MBOAT7: variants seen among roughly 807,000 people sequenced by gnomAD.
MBOAT7 encodes membrane bound acylglycerophosphatidylinositol O-acyltransferase MBOAT7.
A neutral mutation model predicts 47.4 loss-of-function variants in MBOAT7; 40 were observed. The ratio of observed to expected loss-of-function variants is 0.84; its 90% confidence interval spans 0.66 to 1.10. The LOEUF (loss-of-function observed/expected upper bound fraction) is 1.10, where lower values mean the gene tolerates loss of function less well. Ranked by LOEUF, MBOAT7 falls within the 50% of genes least tolerant of loss-of-function variation. MBOAT7 has a pLI of 0.00. For synonymous variants in MBOAT7, 361 were observed against 292.0 expected, an observed-to-expected ratio of 1.24 and a Z score of -2.41; for missense variants, 680 against 655.6, an observed-to-expected ratio of 1.04 and a Z score of -0.41.
At chr19:54,188,146 G>A in intron 3 of MBOAT7, 71 bp downstream of exon 3, 3 of 1,472,818 alleles carry the variant, frequency 2.0e-6, no homozygotes, top group Non-Finnish European at 2.7e-6. Context: ...AGCTGAAAAA[G>A]ACTCAAAGAG....
At chr19:54,179,282 C>G in intron 6 of MBOAT7, 1 of 363,562 alleles carries the variant, frequency 2.8e-6, no homozygotes, top group Non-Finnish European at 5.0e-6. Flanking sequence ...GAGAAGCCGC[C>G]AAGGATGGTC....
intron 7 of MBOAT7, among the ~76,000 whole-genome samples, chr19:54,175,979 T>C (rs910361836): frequency 3.9e-5 from 6 of 152,142 alleles, no homozygotes; most frequent in South Asian, 2.1e-4. Context: ...CGCCGTGGCC[T>C]ACCAAAGTGC....
At position 54,173,966 on chromosome 19, in the gene MBOAT7, G is replaced by C. The variant is rs963878633; in HGVS notation, c.*78C>G. On this transcript the variant is annotated 3_prime_UTR_variant, in exon 8 of 8. Coordinates refer to ENST00000245615, the MANE Select transcript of MBOAT7 (RefSeq NM_024298.5). ...TCTCCAGGACCCTCTCCAAGGTAAGGACTCTTTCTGGGGAGGAGACAGCAG... is the reference window on the plus strand; with the variant it reads ...TCTCCAGGACCCTCTCCAAGGTAAGCACTCTTTCTGGGGAGGAGACAGCAG... The C allele has an allele frequency of 2.1e-6, 3 of 1,459,932 alleles. No homozygotes were observed. Among genetic ancestry groups the C allele is most frequent in the African/African-American group, 2.9e-5 (2 of 69,910 alleles). The allele number at this position is 1,459,932 out of a possible 1,614,324, so 90.4% of individuals were successfully genotyped here.
chr19:54,182,324 C>G (rs2076310146), intron 5 of MBOAT7, among the ~76,000 whole-genome samples: 1 of 151,920 alleles, frequency 6.6e-6, no homozygotes, highest in Admixed American at 6.6e-5. Flanking sequence ...CCAGAACAGG[C>G]AAATCTTTAC....
chr19:54,180,867 A>T lies in MBOAT7; in HGVS notation c.760T>A (p.Cys254Ser), dbSNP rs544702941. ...RFYVAWIAAE[C>S]GCIAAGFGAY... ...CCAAAGCCGGCGGCAATGCAGCCGC[A>T]CTCGGCGGCAATCCAGGCCACGTAG... The change falls in exon 6 of 8, where the codon TGC becomes AGC. Residue 254 changes from cysteine (C) to serine (S), a missense_variant. Cys to Ser is a moderately radical substitution (Grantham distance 112). Transcript: ENST00000245615. The surrounding 1 kb of genome is among the most constrained non-coding windows in gnomAD (Gnocchi z 5.2). The T allele has an allele frequency of 2.5e-6, 4 of 1,588,840 alleles. No homozygotes were observed. Among genetic ancestry groups the T allele is most frequent in the Non-Finnish European group, 3.4e-6 (4 of 1,170,012 alleles).
At position 54,174,107 on chromosome 19, in the gene MBOAT7, G is replaced by A. The variant is rs1305747531; in HGVS notation, c.1356C>T (p.Pro452=). 6 of 1,606,618 alleles carry A rather than the reference G, an allele frequency of 3.7e-6. No individual in the cohort carries two copies. The Admixed American group carries it at 8.5e-5, about 23-fold the overall frequency. The change falls in exon 8 of 8, where the codon CCC becomes CCT. Residue 452 remains proline (P), a synonymous_variant. Transcript: ENST00000245615. The part of the protein sequence containing the change: ...GLGLALGGGS[P]SRRKAASQPT... Reference sequence around the variant, plus strand: ...GCTGGGATGCTGCCTTCCGCCGGCTGGGGCTGCCCCCACCTAAAGCCAGCC... The same window carrying A: ...GCTGGGATGCTGCCTTCCGCCGGCTAGGGCTGCCCCCACCTAAAGCCAGCC...
chr19:54,178,665 C>T, intron 7 of MBOAT7, 100 bp downstream of exon 7: 3 of 1,506,004 alleles, frequency 2.0e-6, no homozygotes, highest in Non-Finnish European at 2.7e-6. Flanking sequence ...CCATGAGCCT[C>T]CGGGGGCAGG....
At chr19:54,175,229 T>G (rs113454931) in intron 7 of MBOAT7, among the ~76,000 whole-genome samples, 1 of 152,226 alleles carries the variant, frequency 6.6e-6, no homozygotes, top group Admixed American at 6.5e-5. Flanking sequence ...CTGCCCGCCT[T>G]GGCCTCCCAA....
Position 54,184,161 on chromosome 19 carries a change from CTTTTT to C in MBOAT7, c.334-486_334-482del, listed in dbSNP as rs770373656. Among the ~76,000 whole-genome samples, 114 of 103,914 alleles carry C rather than the reference CTTTTT, an allele frequency of 1.1e-3. 2 individuals are homozygous for C. The highest frequency in any genetic ancestry group is 1.7e-3 in the Non-Finnish European group (88 of 52,012). The allele number at this position is 103,914 out of a possible 152,430, so 68.2% of individuals were successfully genotyped here. ...AAATCCGATCCTTTAATCTCTCTCT[CTTTTT>C]TTTTTTTTTTTTTTTTGAGACAAGT... On this transcript the variant is annotated intron_variant, in intron 4 of 7. Transcript: ENST00000245615.
chr19:54,178,633 C>A (rs1348666844), intron 7 of MBOAT7, 132 bp downstream of exon 7: 8 of 1,444,592 alleles, frequency 5.5e-6, no homozygotes, highest in Non-Finnish European at 7.3e-6. Flanking sequence ...AGGGCAAAAC[C>A]AGGCTAAACA....
At position 54,173,450 on chromosome 19, in the gene MBOAT7, C is replaced by T. The variant is rs1229512243; in HGVS notation, c.*594G>A. 1.2e-5 allele frequency: 3 copies of T among 258,506 alleles called. No individual in the cohort carries two copies. Among genetic ancestry groups the T allele is most frequent in the South Asian group, 1.1e-4 (2 of 17,840 alleles). The allele number at this position is 258,506 out of a possible 1,614,324, so 16.0% of individuals were successfully genotyped here. A position where few individuals can be genotyped will look rare whatever the true frequency, so the allele number is the denominator to read the frequency against. On this transcript the variant is annotated 3_prime_UTR_variant, in exon 8 of 8. Coordinates refer to ENST00000245615, the MANE Select transcript of MBOAT7 (RefSeq NM_024298.5). ...CACTTTATTGGGAAAGATTTACACA[C>T]GGTGACCTGTCATAGGCCAAGCGAT...
In MBOAT7 at chr19:54,181,094, T is replaced by A. The variant is rs200188828; in HGVS notation, c.533A>T (p.Glu178Val). Residue 178 changes from glutamate to valine, a missense_variant, in exon 6 of 8, where the codon GAG (glutamate) becomes GTG (valine). Glu to Val is a moderately radical substitution (Grantham distance 121, BLOSUM62 -2). Transcript: ENST00000245615. ...FRYRTYLDWLEQPFPGAVPSL... is the reference protein window; with the variant it reads ...FRYRTYLDWLVQPFPGAVPSL... ...GGGCACTGCCCCGGGGAAGGGCTGC[T>A]CCAGCCAGTCCAGGTAGGTGCGGTA... The A allele has an allele frequency of 6.7e-7, 1 of 1,498,106 alleles. No individual in the cohort carries two copies. The highest frequency in any genetic ancestry group is 8.9e-7 in the Non-Finnish European group (1 of 1,125,494). 92.8% of individuals were successfully genotyped at this position (1,498,106 alleles called of 1,614,324 possible).
chr19:54,176,190 T>A (rs950169831), intron 7 of MBOAT7, among the ~76,000 whole-genome samples: 8 of 152,180 alleles, frequency 5.3e-5, no homozygotes, highest in Non-Finnish European at 1.0e-4. Flanking sequence ...AGTCTTGCTA[T>A]GTTGACCTGG....
rs1477562620 is a variant in MBOAT7 at position 54,178,924 on chromosome 19, G to A, written c.872C>T (p.Ser291Phe). The A allele has an allele frequency of 6.2e-7, 1 of 1,613,088 alleles. No homozygotes were observed. The highest frequency in any genetic ancestry group is 8.5e-7 in the Non-Finnish European group (1 of 1,179,914). ...GATGGTCTCATAGTCATACTCCAAGGAAGCCGCCTTCTCCGGACTGGGGGG... is the reference window on the plus strand; with the variant it reads ...GATGGTCTCATAGTCATACTCCAAGAAAGCCGCCTTCTCCGGACTGGGGGG... The part of the protein sequence containing the change: ...PPPSSPEKAA[S>F]LEYDYETIRN... The change falls in exon 7 of 8, where the codon TCC becomes TTC. Residue 291 changes from serine to phenylalanine, a missense_variant. Ser to Phe is a radical substitution (Grantham distance 155). Transcript: ENST00000245615.
Position 54,188,173 on chromosome 19 carries a change from C to T in MBOAT7, c.206+44G>A, listed in dbSNP as rs199827060. 4.2e-4 allele frequency: 641 copies of T among 1,542,194 alleles called. 6 individuals are homozygous for T. The highest frequency in any genetic ancestry group is 3.7e-4 in the Middle Eastern group (2 of 5,338). ...CTCAAAGAGGAAACAGGTTGCTTCC[C>T]CCTCTCCCCTCCTCTCCCTCTCCTC... On this transcript the variant is annotated intron_variant, in intron 3 of 7. Coordinates refer to ENST00000245615, the MANE Select transcript of MBOAT7 (RefSeq NM_024298.5).
chr19:54,176,498 C>G (rs1445862057), intron 7 of MBOAT7, among the ~76,000 whole-genome samples: 1 of 152,072 alleles, frequency 6.6e-6, no homozygotes, highest in Non-Finnish European at 1.5e-5. Flanking sequence ...GGAGAGGTTG[C>G]AGTGAGCCGA....
intron 7 of MBOAT7, among the ~76,000 whole-genome samples, chr19:54,176,515 G>C (rs548310970): frequency 6.6e-6 from 1 of 151,820 alleles, no homozygotes; most frequent in South Asian, 2.1e-4. Flanking sequence ...CCGAGATCAC[G>C]CCACTGCACT....
chr19:54,184,161 CTTT>C (rs770373656), intron 4 of MBOAT7, among the ~76,000 whole-genome samples: 32 of 103,906 alleles, frequency 3.1e-4, no homozygotes, highest in Non-Finnish European at 4.2e-4. Context: ...ATCTCTCTCT[CTTT>C]TTTTTTTTTT....
intron 7 of MBOAT7, among the ~76,000 whole-genome samples, chr19:54,177,165 A>ATACTAATACTAC (rs1206306604): frequency 1.2e-4 from 18 of 151,434 alleles, no homozygotes; most frequent in African/African-American, 4.4e-4. Flanking sequence ...ACTAATACTA[A>ATACTAATACTAC]TACTAATACT....
Sources: allele counts gnomAD v4.1 joint callset (sites outside exome capture counted in the v4.1 genomes callset), GRCh38; gene constraint gnomAD v4.1.1; non-coding constraint Gnocchi (gnomAD v3.1); transcripts MANE v1.5; gene names NCBI Gene and HGNC (gene_info 2026-07-23, HGNC 2026-07-21).